Variants in SECISBP2 observed in about 807,000 individuals in gnomAD.
The protein encoded by SECISBP2 is selenocysteine insertion sequence-binding protein 2.
SECISBP2 carries 96 observed loss-of-function variants against 98.2 expected under a neutral mutation model. The ratio of observed to expected loss-of-function variants is 0.98; its 90% CI spans 0.83 to 1.16. The LOEUF (loss-of-function observed/expected upper bound fraction) is 1.16, where lower values mean the gene tolerates loss of function less well. SECISBP2 is among the 50% of genes most tolerant of loss of function. SECISBP2 has a pLI of 0.00. For missense variants in SECISBP2, 1,046 were observed against 1,022.9 expected (o/e 1.02, Z -0.31); for synonymous variants, 407 against 370.2 (o/e 1.10, Z -1.14).
intron 10 of SECISBP2, among the ~76,000 whole-genome samples, chr9:89,343,395 T>TA (rs1829953667): frequency 6.6e-6 from 1 of 152,190 alleles, no homozygotes; most frequent in Non-Finnish European, 1.5e-5. Flanking sequence ...GCAGGTTTGT[T>TA]ATATAGGTAA....
rs1374129663 is a variant in SECISBP2 at position 89,359,638 on chromosome 9, T to C, written c.*814T>C. On this transcript the variant is annotated 3_prime_UTR_variant, in exon 17 of 17. Transcript: ENST00000375807. ...ATTTATTTTAAATAAAGAGTAATTA[T>C]TAAATTTTGTTTCAGACTCTGGTGA... 1.3e-5 allele frequency: 2 copies of C among 152,214 alleles called. No individual in the cohort carries two copies. Among genetic ancestry groups the C allele is most frequent in the Non-Finnish European group, 1.5e-5 (1 of 68,028 alleles). 9.4% of individuals were successfully genotyped at this position (152,214 alleles called of 1,614,324 possible). A position where few individuals can be genotyped will look rare whatever the true frequency, so the allele number is the denominator to read the frequency against.
chr9:89,326,828 T>C (rs1826786114), intron 4 of SECISBP2, among the ~76,000 whole-genome samples: 1 of 152,178 alleles, frequency 6.6e-6, no homozygotes, highest in Non-Finnish European at 1.5e-5. Flanking sequence ...TTGTACTGAA[T>C]ATTGTAGGCA....
intron 12 of SECISBP2, among the ~76,000 whole-genome samples, chr9:89,349,011 G>A (rs1407264535): frequency 6.6e-6 from 1 of 152,208 alleles, no homozygotes; most frequent in Non-Finnish European, 1.5e-5. Context: ...GTTCCTGTGG[G>A]GCATTACCTG....
chr9:89,318,891 A>G, intron 1 of SECISBP2: 3 of 1,242,948 alleles, frequency 2.4e-6, no homozygotes, highest in Non-Finnish European at 3.0e-6. Context: ...CGCTCCCCGC[A>G]GTCGGGGCGG....
At chr9:89,353,403 C>T (rs541928945) in intron 14 of SECISBP2, among the ~76,000 whole-genome samples, 10 of 152,224 alleles carry the variant, frequency 6.6e-5, no homozygotes, top group Non-Finnish European at 1.3e-4. Flanking sequence ...CCTGTGAGCT[C>T]ATCCTCTCAC....
intron 2 of SECISBP2, chr9:89,322,657 G>C (rs976360500): frequency 6.6e-6 from 1 of 152,128 alleles, no homozygotes; most frequent in Non-Finnish European, 1.5e-5. Context: ...TGATGCTTTT[G>C]AGTTAAAGCA....
At chr9:89,331,055 T>C (rs1827672728) in intron 5 of SECISBP2, among the ~76,000 whole-genome samples, 1 of 152,212 alleles carries the variant, frequency 6.6e-6, no homozygotes, top group Non-Finnish European at 1.5e-5. Context: ...CCTGATGATA[T>C]TAGTAATGTC....
intron 4 of SECISBP2, among the ~76,000 whole-genome samples, chr9:89,326,306 C>T (rs1309641586): frequency 6.6e-6 from 1 of 152,186 alleles, no homozygotes; most frequent in Non-Finnish European, 1.5e-5. Context: ...ACATTTTTCT[C>T]TTTTCATTGA....
intron 15 of SECISBP2, 45 bp from the exon 16 acceptor site, chr9:89,357,954 C>T (rs1305614046): frequency 8.1e-6 from 13 of 1,604,930 alleles, no homozygotes; most frequent in Non-Finnish European, 1.0e-5. Flanking sequence ...GACCCGTGTC[C>T]TCTGTAGCTG....
chr9:89,365,836 T>C, the SECISBP2 span, among the ~76,000 whole-genome samples: 2 of 152,170 alleles, frequency 1.3e-5, no homozygotes, highest in Admixed American at 6.5e-5. Context: ...TGCTGGACTT[T>C]TGAAAAGAAG....
At chr9:89,367,115 G>A in the SECISBP2 span, 1 of 152,590 alleles carries the variant, frequency 6.6e-6, no homozygotes, top group Non-Finnish European at 1.5e-5. Flanking sequence ...TGTTAAAGAA[G>A]TACTTACGTT....
At chr9:89,363,540 C>T (rs199560281), downstream of SECISBP2, 3 of 1,613,774 alleles carry the variant, frequency 1.9e-6, no homozygotes, top group Non-Finnish European at 2.5e-6. Flanking sequence ...GGAAAACAAG[C>T]AGGGTCCCCA....
downstream of SECISBP2, chr9:89,359,708 G>A (rs1832613859): frequency 6.6e-6 from 1 of 152,052 alleles, no homozygotes; most frequent in South Asian, 2.1e-4. Context: ...TGATTCCTAT[G>A]TCTTAATTTA....
chr9:89,335,933 C>T (rs1828592524), intron 7 of SECISBP2, among the ~76,000 whole-genome samples: 1 of 151,974 alleles, frequency 6.6e-6, no homozygotes, highest in Admixed American at 6.6e-5. Flanking sequence ...TGGCTTTTAC[C>T]AGTACAAGAG....
intron 14 of SECISBP2, among the ~76,000 whole-genome samples, chr9:89,351,649 A>T (rs899764694): frequency 6.6e-6 from 1 of 152,222 alleles, no homozygotes; most frequent in East Asian, 1.9e-4. Flanking sequence ...GAACCCTCAA[A>T]GATGATGTTT....
intron 16 of SECISBP2, 77 bp downstream of exon 16, chr9:89,358,268 G>T: frequency 6.9e-7 from 1 of 1,447,868 alleles, no homozygotes; most frequent in Non-Finnish European, 9.5e-7. Flanking sequence ...CCCTAGGTGA[G>T]CAGCTTGACA....
chr9:89,318,829 G>C (rs1169372945), intron 1 of SECISBP2: 6 of 1,276,930 alleles, frequency 4.7e-6, no homozygotes, highest in Non-Finnish European at 5.9e-6. Flanking sequence ...CACAGTTAGC[G>C]CCGCGTCTGT....
chr9:89,358,217 C>T (rs1204827192), intron 16 of SECISBP2, 26 bp downstream of exon 16: 3 of 1,597,896 alleles, frequency 1.9e-6, no homozygotes, highest in Non-Finnish European at 2.6e-6. Context: ...AGAGTTGTGT[C>T]AGGTCGAGTG....
intron 6 of SECISBP2, chr9:89,334,237 T>G (rs1828247572): frequency 1.7e-5 from 20 of 1,192,234 alleles, no homozygotes; most frequent in Non-Finnish European, 2.2e-5. Flanking sequence ...TTGTTGTTTT[T>G]TAACTAAAAC....
Sources: gnomAD v4.1 joint callset for allele counts (sites outside exome capture counted in the v4.1 genomes callset) on GRCh38, gnomAD v4.1.1 for gene constraint, MANE v1.5 for transcripts, NCBI Gene and HGNC (gene_info 2026-07-23, HGNC 2026-07-21) for gene names.